Variants in ACSF3 observed in about 807,000 individuals in gnomAD.
ACSF3 encodes the protein acyl-CoA synthetase family member 3, also known as malonate--CoA ligase ACSF3, mitochondrial.
In ACSF3, 78 loss-of-function variants were observed where a neutral mutation model predicts 53.2. The ratio of observed to expected loss-of-function variants is 1.47; its 90% CI spans 1.22 to 1.77. ACSF3 has a LOEUF of 1.77. ACSF3 is among the 40% of genes most tolerant of loss of function. ACSF3 has a pLI of 0.00. For synonymous variants in ACSF3, 414 were observed against 333.1 expected, an observed-to-expected ratio of 1.24 and a Z score of -2.65; for missense variants, 937 against 771.1, an observed-to-expected ratio of 1.22 and a Z score of -2.55.
At chr16:89,153,909 C>T in intron 10 of ACSF3, 181 bp from the exon 11 acceptor site, 4 of 647,686 alleles carry the variant, frequency 6.2e-6, no homozygotes, top group Non-Finnish European at 1.1e-5. Flanking sequence ...GTCACCACCC[C>T]TGGGCTGCTA....
rs535110538 is a variant in ACSF3, at chr16:89,101,880, C to T, written c.666+533C>T. On this transcript the variant is annotated intron_variant, in intron 3 of 10. Transcript: ENST00000614302. ...GAAGGGGAAGGCAGGAAGTGTACCCCACGGAGTCGTGGGCTGACGAGGCGC... is the reference window on the plus strand; with the variant it reads ...GAAGGGGAAGGCAGGAAGTGTACCCTACGGAGTCGTGGGCTGACGAGGCGC... 9.8e-5 allele frequency among the ~76,000 whole-genome samples: 15 copies of T among 152,352 alleles called. 1 individual carries two copies. The South Asian group carries it at 2.9e-3, about 29-fold the overall frequency.
chr16:89,101,025 C>A lies in ACSF3; in HGVS notation c.344C>A (p.Ser115Ter). Residue 115 changes from serine to a stop codon, truncating the protein, a stop_gained, in exon 3 of 11, where the codon TCA becomes TAA. Transcript: ENST00000614302. LOFTEE classifies it high-confidence loss of function. ...TCCTACGTCGTGGCCCAGTGGGCGTCATGGATGAGTGGCGGTGTGGCAGTC... is the reference window on the plus strand; with the variant it reads ...TCCTACGTCGTGGCCCAGTGGGCGTAATGGATGAGTGGCGGTGTGGCAGTC... ...DASYVVAQWA[S>*]WMSGGVAVPL... The A allele has an allele frequency of 6.2e-7, 1 of 1,613,940 alleles. No individual in the cohort carries two copies. Among genetic ancestry groups the A allele is most frequent in the Non-Finnish European group, 8.5e-7 (1 of 1,179,892 alleles).
intron 1 of ACSF3, among the ~76,000 whole-genome samples, chr16:89,096,819 C>T (rs1597868365): frequency 1.3e-5 from 2 of 152,218 alleles, no homozygotes; most frequent in African/African-American, 2.4e-5. Context: ...TTCCTCCTGC[C>T]CGTGGCCTCT....
At chr16:89,102,827 C>T in intron 4 of ACSF3, 68 bp downstream of exon 4, 1 of 1,585,406 alleles carries the variant, frequency 6.3e-7, no homozygotes, top group Non-Finnish European at 8.6e-7. Flanking sequence ...GGGGCCAGGG[C>T]TCTCAGCCGC....
At chr16:89,099,649 G>C (rs1321408205) in intron 2 of ACSF3, among the ~76,000 whole-genome samples, 1 of 152,044 alleles carries the variant, frequency 6.6e-6, no homozygotes, top group African/African-American at 2.4e-5. Context: ...AGGCATGGTG[G>C]TGCGCACCTA....
chr16:89,121,656 G>C (rs1392739924), intron 7 of ACSF3, among the ~76,000 whole-genome samples: 1 of 152,182 alleles, frequency 6.6e-6, no homozygotes, highest in African/African-American at 2.4e-5. Context: ...GTTGCCCTGA[G>C]GTTTTCAAAG....
rs6500530 is a variant in ACSF3, at chr16:89,101,542, G to T, written c.666+195G>T. ...CTGGCCTCACTGGCCACGCAGGACG[G>T]CTCTGGGAGCGTCCAGGTGTAGAGG... On this transcript the variant is annotated intron_variant, in intron 3 of 10. Coordinates refer to ENST00000614302, the MANE Select transcript of ACSF3 (RefSeq NM_001243279.3). Among the ~76,000 whole-genome samples the T allele has an allele frequency of 3.3e-5, 5 of 151,422 alleles. No homozygotes were observed. The South Asian group carries it at 8.3e-4, about 25-fold the overall frequency.
intron 6 of ACSF3, among the ~76,000 whole-genome samples, chr16:89,116,369 C>T (rs1905114596): frequency 6.6e-6 from 1 of 152,136 alleles, no homozygotes; most frequent in Admixed American, 6.5e-5. Context: ...GGGGTTCAGG[C>T]CCAGGCAGGG....
At chr16:89,130,046 T>G (rs1220049591) in intron 7 of ACSF3, among the ~76,000 whole-genome samples, 1 of 152,256 alleles carries the variant, frequency 6.6e-6, no homozygotes, top group East Asian at 1.9e-4. Flanking sequence ...TTCATCCAAA[T>G]ATTTGCCACT....
chr16:89,153,079 G>A (rs1914299176), intron 10 of ACSF3: 1 of 152,642 alleles, frequency 6.6e-6, no homozygotes, highest in African/African-American at 2.4e-5. Context: ...CTGGACGGCA[G>A]GCGACACTTT....
Position 89,154,155 on chromosome 16 carries a change from A to G in ACSF3, c.1679A>G (p.Gln560Arg), listed in dbSNP as rs770387258. The G allele has an allele frequency of 1.2e-6, 2 of 1,613,570 alleles. No homozygotes were observed. Among genetic ancestry groups the G allele is most frequent in the Non-Finnish European group, 1.7e-6 (2 of 1,179,824 alleles). The change falls in exon 11 of 11, where the codon CAG becomes CGG. Residue 560 changes from glutamine (Q) to arginine (R), a missense_variant. Gln to Arg is a conservative substitution (Grantham distance 43). Coordinates refer to ENST00000614302, the MANE Select transcript of ACSF3 (RefSeq NM_001243279.3). ...LVLVEEIPRNQMGKIDKKALI... is the reference protein window; with the variant it reads ...LVLVEEIPRNRMGKIDKKALI... The stretch of plus-strand genomic sequence containing the variant: ...CTGGTGGAGGAGATCCCGCGGAACC[A>G]GATGGGCAAGATTGACAAGAAGGCG...
At chr16:89,125,698 A>AAGAGAGAGAGAGAGAG (rs56085364) in intron 7 of ACSF3, among the ~76,000 whole-genome samples, 5 of 147,894 alleles carry the variant, frequency 3.4e-5, no homozygotes, top group Admixed American at 1.3e-4. Flanking sequence ...CAAAAAAAAA[A>AAGAGAGAGAGAGAGAG]AGAGAGAGAG....
chr16:89,131,127 CT>C (rs558773398), intron 7 of ACSF3, among the ~76,000 whole-genome samples: 72 of 69,540 alleles, frequency 1.0e-3, no homozygotes, highest in Admixed American at 2.6e-3. Flanking sequence ...TTTTCTTTTT[CT>C]TTTTTTTTTT....
intron 8 of ACSF3, among the ~76,000 whole-genome samples, chr16:89,139,477 C>G (rs951350651): frequency 2.6e-5 from 4 of 151,906 alleles, no homozygotes; most frequent in Admixed American, 2.0e-4. Flanking sequence ...GGTTTGGCTG[C>G]GTATAGGGTT....
chr16:89,155,683 C>A lies in ACSF3; in HGVS notation c.*1476C>A, dbSNP rs910893057. ...TACAGTCCAGACGTTTGTGTCTAGG[C>A]CTTGCTGGTAGCTAAGGAAATGCCT... On this transcript the variant is annotated 3_prime_UTR_variant, in exon 11 of 11. Coordinates refer to ENST00000614302, the MANE Select transcript of ACSF3 (RefSeq NM_001243279.3). 4.4e-6 allele frequency: 2 copies of A among 454,030 alleles called. No individual in the cohort carries two copies. The highest frequency in any genetic ancestry group is 2.3e-5 in the Admixed American group (1 of 42,556). The allele number at this position is 454,030 out of a possible 1,614,324, so 28.1% of individuals were successfully genotyped here.
At chr16:89,114,310 C>A (rs776416035) in intron 5 of ACSF3, 29 bp from the exon 6 acceptor site, 2 of 1,613,554 alleles carry the variant, frequency 1.2e-6, no homozygotes, top group East Asian at 4.5e-5. Context: ...TCCCAAGGGG[C>A]TAAACCTGCC....
intron 8 of ACSF3, among the ~76,000 whole-genome samples, chr16:89,144,617 G>A (rs985464243): frequency 6.6e-6 from 1 of 152,226 alleles, no homozygotes; most frequent in African/African-American, 2.4e-5. Flanking sequence ...TGAGAGAAAT[G>A]GCAGGACAGG....
At chr16:89,115,425 C>T (rs1597960365) in intron 6 of ACSF3, 1 of 152,324 alleles carries the variant, frequency 6.6e-6, no homozygotes, top group Non-Finnish European at 1.5e-5. Context: ...AGGACGTGGC[C>T]TCTGAGCCTG....
At chr16:89,143,917 T>C (rs1404701546) in intron 8 of ACSF3, among the ~76,000 whole-genome samples, 1 of 152,164 alleles carries the variant, frequency 6.6e-6, no homozygotes, top group African/African-American at 2.4e-5. Flanking sequence ...AACAGCATGA[T>C]GTATAATGAA....
Sources: gnomAD v4.1 joint callset for allele counts (sites outside exome capture counted in the v4.1 genomes callset) on GRCh38, gnomAD v4.1.1 for gene constraint, MANE v1.5 for transcripts, NCBI Gene and HGNC (gene_info 2026-07-23, HGNC 2026-07-21) for gene names.